RAP1GAP2: variants seen among roughly 807,000 people sequenced by gnomAD.
RAP1GAP2 encodes the protein RAP1 GTPase activating protein 2.
RAP1GAP2 carries 27 observed loss-of-function variants against 95.0 expected under a neutral mutation model. That is an observed-to-expected ratio of 0.28 (90% CI 0.21 to 0.39). RAP1GAP2 has a LOEUF of 0.39. RAP1GAP2 is among the 10% of genes least tolerant of loss of function. The pLI is 1.00. For missense variants in RAP1GAP2, 771 were observed against 970.0 expected, an observed-to-expected ratio of 0.79 and a Z score of 2.72; for synonymous variants, 373 against 380.9, an observed-to-expected ratio of 0.98 and a Z score of 0.24.
intron 4 of RAP1GAP2, among the ~76,000 whole-genome samples, chr17:2,960,567 G>A (rs1282617873): frequency 2.0e-5 from 3 of 152,230 alleles, no homozygotes; most frequent in Non-Finnish European, 2.9e-5. Context: ...TGTGGGGTAC[G>A]TCACGCGCTT....
chr17:2,900,364 A>C (rs544543766), intron 2 of RAP1GAP2, among the ~76,000 whole-genome samples: 1 of 151,194 alleles, frequency 6.6e-6, no homozygotes, highest in Non-Finnish European at 1.5e-5. Context: ...TATGAGTTAT[A>C]ATCATCATCA....
intron 2 of RAP1GAP2, among the ~76,000 whole-genome samples, chr17:2,823,571 G>A (rs183215285): frequency 1.1e-4 from 16 of 152,256 alleles, no homozygotes; most frequent in African/African-American, 3.8e-4. Flanking sequence ...ATGGCGTAAC[G>A]TGGGCTCTCT....
chr17:2,950,918 A>AT (rs904974924), intron 3 of RAP1GAP2, among the ~76,000 whole-genome samples: 3 of 151,888 alleles, frequency 2.0e-5, no homozygotes, highest in African/African-American at 4.8e-5. Context: ...GCCTGCTTCA[A>AT]TTTTCAGGTG....
chr17:2,957,010 T>C (rs574405634), intron 3 of RAP1GAP2, among the ~76,000 whole-genome samples: 25 of 151,542 alleles, frequency 1.6e-4, no homozygotes, highest in Non-Finnish European at 2.5e-4. Flanking sequence ...CGCCTGTAGT[T>C]CCAGCTACTC....
At chr17:2,794,966 C>T (rs2069029516), upstream of RAP1GAP2, among the ~76,000 whole-genome samples, 1 of 150,180 alleles carries the variant, frequency 6.7e-6, no homozygotes, top group Admixed American at 6.7e-5. Context: ...CAACCTCTGC[C>T]TCCCAGGTTC....
intron 12 of RAP1GAP2, among the ~76,000 whole-genome samples, chr17:2,994,005 C>T (rs1365160246): frequency 3.3e-5 from 5 of 152,222 alleles, no homozygotes; most frequent in African/African-American, 1.2e-4. Flanking sequence ...ATGATTACAC[C>T]ATTGCGCTCC....
intron 1 of RAP1GAP2, among the ~76,000 whole-genome samples, chr17:2,766,623 G>A (rs1217085657): frequency 2.0e-5 from 3 of 151,930 alleles, no homozygotes; most frequent in African/African-American, 7.3e-5. Flanking sequence ...AAAAAAAAGT[G>A]GAGCCCTCAT....
chr17:2,789,741 C>G lies in RAP1GAP2; in HGVS notation c.-13-10774C>G, dbSNP rs372021918. 1.1e-4 allele frequency among the ~76,000 whole-genome samples: 15 copies of G among 135,232 alleles called. No homozygotes were observed. In the East Asian group the frequency reaches 2.0e-3, roughly 18 times the overall value. The allele number at this position is 135,232 out of a possible 152,430, so 88.7% of individuals were successfully genotyped here. ...AGACTGCAGTGAGCCGAGATTGCAC[C>G]AGTGCACTCCAGCTTGGGCGACAGA... On this transcript the variant is annotated intron_variant, in intron 1 of 24. Coordinates refer to the RAP1GAP2 transcript ENST00000540393.
intron 3 of RAP1GAP2, among the ~76,000 whole-genome samples, chr17:2,937,249 G>C (rs928865992): frequency 6.6e-6 from 1 of 152,192 alleles, no homozygotes; most frequent in Non-Finnish European, 1.5e-5. Context: ...GCCAGTGCCT[G>C]GCCTGGAGGA....
chr17:3,019,275 G>A (rs527975652), intron 18 of RAP1GAP2, among the ~76,000 whole-genome samples: 1 of 152,264 alleles, frequency 6.6e-6, no homozygotes, highest in East Asian at 1.9e-4. Context: ...GGGCATGGTG[G>A]CTGAGGAGGG....
intron 3 of RAP1GAP2, among the ~76,000 whole-genome samples, chr17:2,944,161 C>CAAAAAAA (rs36063732): frequency 1.1e-4 from 9 of 81,772 alleles, no homozygotes; most frequent in Non-Finnish European, 2.0e-4. Flanking sequence ...ACAGCAAAAC[C>CAAAAAAA]AAAAAAAAAA....
intron 2 of RAP1GAP2, among the ~76,000 whole-genome samples, chr17:2,858,142 G>A (rs1412863283): frequency 1.3e-5 from 2 of 152,142 alleles, no homozygotes; most frequent in Admixed American, 1.3e-4. Context: ...AAGTCACTGT[G>A]GCCTTGGGTG....
chr17:2,758,980 G>C (rs2071198845), intron 1 of RAP1GAP2, among the ~76,000 whole-genome samples: 1 of 151,846 alleles, frequency 6.6e-6, no homozygotes, highest in South Asian at 2.1e-4. Context: ...GTCCACCATC[G>C]AGAGCCACCA....
At chr17:2,829,460 C>T (rs1358586404) in intron 2 of RAP1GAP2, among the ~76,000 whole-genome samples, 1 of 152,086 alleles carries the variant, frequency 6.6e-6, no homozygotes, top group Non-Finnish European at 1.5e-5. Context: ...CCCTTCTCTC[C>T]TGGAGCCCAT....
At chr17:2,776,439 T>A (rs749032044), upstream of RAP1GAP2, among the ~76,000 whole-genome samples, 4 of 152,128 alleles carry the variant, frequency 2.6e-5, no homozygotes, top group Middle Eastern at 3.4e-3. Flanking sequence ...CCGGGTCCTC[T>A]GGGTGCACCT....
rs553840675 is a variant in RAP1GAP2, at chr17:2,823,566, G to A, written c.80+23016G>A. Among the ~76,000 whole-genome samples, 16 of 152,306 alleles carry A rather than the reference G, an allele frequency of 1.1e-4. No individual in the cohort carries two copies. The South Asian group carries it at 2.3e-3, about 22-fold the overall frequency. On this transcript the variant is annotated intron_variant, in intron 2 of 24. Coordinates refer to ENST00000254695, the MANE Select transcript of RAP1GAP2 (RefSeq NM_015085.5). ...GTGGAGGTGGTCCTGGACGCATGGC[G>A]TAACGTGGGCTCTCTGGGCCCTCCA...
intron 2 of RAP1GAP2, among the ~76,000 whole-genome samples, chr17:2,885,065 G>C (rs1288914017): frequency 8.0e-6 from 1 of 125,104 alleles, no homozygotes; most frequent in Non-Finnish European, 1.6e-5. Flanking sequence ...ATGGAGTCTC[G>C]CTCTGTCGCC....
intron 17 of RAP1GAP2, among the ~76,000 whole-genome samples, chr17:3,011,399 C>T (rs1051151034): frequency 1.3e-5 from 2 of 152,142 alleles, no homozygotes; most frequent in Non-Finnish European, 2.9e-5. Context: ...TAGGCCATGC[C>T]TGTGGCCAGG....
rs779304079 is a variant in RAP1GAP2, at chr17:2,905,331, C to A, written c.128C>A (p.Pro43Gln). The part of the protein sequence containing the change: ...NSSDATLPDR[P>Q]LSPPLTAPPT... ...TCGGATGCGACCCTCCCAGACCGGC[C>A]GCTCTCCCCTCCTCTCACGGCACCT... Residue 43 changes from proline (P) to glutamine (Q), a missense_variant, in exon 3 of 25, where the codon CCG becomes CAG. By Grantham distance (76) the Pro-to-Gln change is moderately conservative. Transcript: ENST00000254695. The A allele has an allele frequency of 1.9e-6, 3 of 1,613,636 alleles. No homozygotes were observed. Among genetic ancestry groups the A allele is most frequent in the African/African-American group, 2.7e-5 (2 of 74,914 alleles).
Sources: gnomAD v4.1 joint callset for allele counts (sites outside exome capture counted in the v4.1 genomes callset) on GRCh38, gnomAD v4.1.1 for gene constraint, MANE v1.5 for transcripts, NCBI Gene and HGNC (gene_info 2026-07-23, HGNC 2026-07-21) for gene names.